Variants in C1GALT1 observed in about 807,000 individuals in gnomAD.
C1GALT1 encodes glycoprotein-N-acetylgalactosamine 3-beta-galactosyltransferase 1.
A neutral mutation model predicts 31.0 loss-of-function variants in C1GALT1; 11 were observed. The observed-to-expected ratio is 0.36, with a 90% CI of 0.22 to 0.59. C1GALT1 has a LOEUF of 0.59. Among genes scored for constraint, C1GALT1 ranks in the 20% least tolerant of loss-of-function variants. The pLI is 0.79. For missense variants in C1GALT1, 424 were observed against 425.2 expected (o/e 1.00, Z 0.03); for synonymous variants, 175 against 143.6 (o/e 1.22, Z -1.56).
chr7:7,176,959 T>C (rs1780511541), intron 2 of C1GALT1, among the ~76,000 whole-genome samples: 1 of 152,180 alleles, frequency 6.6e-6, no homozygotes, highest in Non-Finnish European at 1.5e-5. Flanking sequence ...TTTCACTTAC[T>C]CCCTAATTTA....
At chr7:7,185,238 C>T (rs1028905682) in intron 1 of C1GALT1, among the ~76,000 whole-genome samples, 5 of 151,888 alleles carry the variant, frequency 3.3e-5, no homozygotes, top group African/African-American at 1.2e-4. Flanking sequence ...TTGGGGGCAA[C>T]GAGAGGCAAT....
chr7:7,237,669 T>G (rs1583834718), intron 2 of C1GALT1, among the ~76,000 whole-genome samples: 1 of 152,232 alleles, frequency 6.6e-6, no homozygotes, highest in East Asian at 1.9e-4. Flanking sequence ...ACTCCTGTGC[T>G]TTGACCTTTT....
At chr7:7,228,676 T>TGGTAAACACAACACAAGAGG (rs1337527639) in intron 1 of C1GALT1, among the ~76,000 whole-genome samples, 9 of 152,242 alleles carry the variant, frequency 5.9e-5, no homozygotes, top group Non-Finnish European at 1.3e-4. Context: ...GAAGGGAATG[T>TGGTAAACACAACACAAGAGG]GGTAAACACA....
rs1435740564 is a variant in C1GALT1 at position 7,234,308 on chromosome 7, C to T, written c.-12C>T. The T allele has an allele frequency of 1.9e-6, 3 of 1,610,198 alleles. No homozygotes were observed. The highest frequency in any genetic ancestry group is 4.5e-5 in the East Asian group (2 of 44,790). ...GCTAATTTTTGTTCTTACAGAAATA[C>T]ACTTTCGGGAAATGGCCTCTAAATC... On this transcript the variant is annotated 5_prime_UTR_variant, in exon 2 of 4. Coordinates refer to ENST00000436587, the MANE Select transcript of C1GALT1 (RefSeq NM_020156.5).
At chr7:7,194,190 G>C (rs1407483256) in intron 1 of C1GALT1, among the ~76,000 whole-genome samples, 1 of 152,008 alleles carries the variant, frequency 6.6e-6, no homozygotes, top group Non-Finnish European at 1.5e-5. Context: ...GATCCCTCTG[G>C]CTAGGACTTC....
intron 1 of C1GALT1, among the ~76,000 whole-genome samples, chr7:7,231,205 G>C (rs996207916): frequency 3.3e-5 from 5 of 152,092 alleles, no homozygotes; most frequent in African/African-American, 1.2e-4. Flanking sequence ...TGTTGTTGCT[G>C]CTAAAAAGTC....
chr7:7,238,845 C>T lies in C1GALT1; in HGVS notation c.811C>T (p.Pro271Ser). 1 of 1,613,814 alleles carries T rather than the reference C, an allele frequency of 6.2e-7. No homozygotes were observed. ...IGKETFHPFV[P>S]EHHLIKGYLP... ...AAAAGAAACTTTTCATCCCTTTGTG[C>T]CAGAACACCATTTAATTAAAGGTTA... Residue 271 changes from proline (P) to serine (S), a missense_variant, in exon 3 of 4, where the codon CCA becomes TCA. Physicochemically the swap from Pro to Ser is moderately conservative, Grantham distance 74 (BLOSUM62 -1). Around this residue, in one of 3 missense-constraint regions of C1GALT1, gnomAD observed 191 missense variants for 188.8 expected, o/e 1.01. Coordinates refer to ENST00000436587, the MANE Select transcript of C1GALT1 (RefSeq NM_020156.5). The surrounding 1 kb of genome is among the most constrained non-coding windows in gnomAD (Gnocchi z 5.2).
chr7:7,212,397 C>T (rs542869688), intron 1 of C1GALT1, among the ~76,000 whole-genome samples: 13 of 152,258 alleles, frequency 8.5e-5, no homozygotes, highest in African/African-American at 3.1e-4. Flanking sequence ...CCAGTTTTTC[C>T]AATTGTGTCC....
At chr7:7,185,010 C>G (rs545514013) in intron 1 of C1GALT1, among the ~76,000 whole-genome samples, 1 of 152,074 alleles carries the variant, frequency 6.6e-6, no homozygotes, top group Non-Finnish European at 1.5e-5. Context: ...CCAATGTGTA[C>G]TTAAATTATT....
intron 1 of C1GALT1, chr7:7,183,593 GGGTAAGT>G (rs1780686510): frequency 1.0e-6 from 1 of 984,628 alleles, no homozygotes; most frequent in Admixed American, 6.2e-5. Flanking sequence ...CTTTGAATTT[GGGTAAGT>G]CGTACACTCT....
intron 2 of C1GALT1, among the ~76,000 whole-genome samples, chr7:7,158,259 T>G (rs1780295207): frequency 6.6e-6 from 1 of 152,198 alleles, no homozygotes. Context: ...GTCTCTAGTC[T>G]CCAGTGATCT....
intron 1 of C1GALT1, among the ~76,000 whole-genome samples, chr7:7,196,085 C>A (rs1288483469): frequency 1.3e-5 from 2 of 151,888 alleles, no homozygotes; most frequent in Non-Finnish European, 2.9e-5. Flanking sequence ...TATTATACTT[C>A]AAAGTTCTAG....
chr7:7,222,241 TG>T (rs1782542950), intron 1 of C1GALT1, among the ~76,000 whole-genome samples: 1 of 152,254 alleles, frequency 6.6e-6, no homozygotes, highest in African/African-American at 2.4e-5. Context: ...CTTTGGGTTC[TG>T]TTTGTCAGAT....
chr7:7,221,831 C>T (rs1026109038), intron 1 of C1GALT1, among the ~76,000 whole-genome samples: 1 of 152,200 alleles, frequency 6.6e-6, no homozygotes, highest in Non-Finnish European at 1.5e-5. Context: ...AGGCTTGTTG[C>T]AAGGCCACCC....
chr7:7,165,110 G>A (rs922475796), intron 2 of C1GALT1, among the ~76,000 whole-genome samples: 1 of 152,114 alleles, frequency 6.6e-6, no homozygotes, highest in Non-Finnish European at 1.5e-5. Context: ...GGTTGGTCTG[G>A]CATTTTTATG....
intron 1 of C1GALT1, among the ~76,000 whole-genome samples, chr7:7,196,698 T>C (rs1407121875): frequency 6.6e-6 from 1 of 152,222 alleles, no homozygotes; most frequent in Non-Finnish European, 1.5e-5. Flanking sequence ...AAAGCGTTCC[T>C]GTTTCTCCAC....
At chr7:7,193,919 AT>A (rs113808427) in intron 1 of C1GALT1, among the ~76,000 whole-genome samples, 4,973 of 146,356 alleles carry the variant, frequency 0.034, 178 homozygotes, top group African/African-American at 0.094. Flanking sequence ...TAAGTATTTT[AT>A]TTTTTTTTTG....
At chr7:7,193,224 C>G (rs1781148356) in intron 1 of C1GALT1, among the ~76,000 whole-genome samples, 1 of 152,140 alleles carries the variant, frequency 6.6e-6, no homozygotes, top group Non-Finnish European at 1.5e-5. Context: ...AAGTCTTTGC[C>G]TAAGCCAATG....
intron 1 of C1GALT1, among the ~76,000 whole-genome samples, chr7:7,208,982 C>T (rs758352677): frequency 7.2e-5 from 11 of 152,216 alleles, no homozygotes; most frequent in Admixed American, 7.2e-4. Flanking sequence ...GAGATAGATT[C>T]TACCAGCGTA....
Sources: allele counts gnomAD v4.1 joint callset (sites outside exome capture counted in the v4.1 genomes callset), GRCh38; gene constraint gnomAD v4.1.1; regional missense constraint gnomAD v4.1.1; non-coding constraint Gnocchi (gnomAD v3.1); transcripts MANE v1.5; gene names NCBI Gene and HGNC (gene_info 2026-07-23, HGNC 2026-07-21).